The following RHOBTB2 variants were observed in gnomAD, a reference collection of about 807,000 sequenced individuals.
RHOBTB2 encodes Rho related BTB domain containing 2, also known as rho-related BTB domain-containing protein 2.
RHOBTB2 carries 39 observed loss-of-function variants against 66.5 expected under a neutral mutation model. That is an observed-to-expected ratio of 0.59 (90% CI 0.45 to 0.77). The LOEUF is 0.77. Ranked by LOEUF, RHOBTB2 falls within the 30% of genes least tolerant of loss-of-function variation. The probability of loss-of-function intolerance (pLI) is 0.00; values close to 1 mark genes in which losing one functional copy is unlikely to be tolerated. For missense variants in RHOBTB2, 755 were observed against 999.1 expected (o/e 0.76, Z 3.29); for synonymous variants, 390 against 395.0 (o/e 0.99, Z 0.15).
chr8:22,966,029 T>C, the RHOBTB2 span, among the ~76,000 whole-genome samples: 1 of 152,106 alleles, frequency 6.6e-6, no homozygotes. Flanking sequence ...TCCCTAATAA[T>C]GGATTAATAC....
intron 7 of RHOBTB2, 78 bp downstream of exon 7, chr8:23,010,766 G>C: frequency 1.4e-6 from 2 of 1,481,128 alleles, no homozygotes; most frequent in Non-Finnish European, 1.9e-6. Context: ...CTCCTCTCAC[G>C]TCTCTCCTGG....
In RHOBTB2 at chr8:23,017,542, C is replaced by G; in HGVS notation, c.*73C>G. On this transcript the variant is annotated 3_prime_UTR_variant, in exon 10 of 10. Transcript: ENST00000251822. The surrounding 1 kb of genome is among the most constrained non-coding windows in gnomAD (Gnocchi z 5.3). ...TTCACCCCTCTGCTCTTCCGCATCA[C>G]CCCATCCACCTTACAGGGACCAGGG... The G allele has an allele frequency of 6.5e-7, 1 of 1,538,794 alleles. No homozygotes were observed. Among genetic ancestry groups the G allele is most frequent in the African/African-American group, 1.4e-5 (1 of 72,978 alleles).
chr8:22,959,520 C>T, the RHOBTB2 span, among the ~76,000 whole-genome samples: 2 of 152,130 alleles, frequency 1.3e-5, no homozygotes, highest in African/African-American at 4.8e-5. Flanking sequence ...TCCCAAGGTG[C>T]TGGGATTACA....
chr8:22,971,692 C>T, the RHOBTB2 span, among the ~76,000 whole-genome samples: 2 of 152,200 alleles, frequency 1.3e-5, no homozygotes. Flanking sequence ...GAAATGCTCA[C>T]CTCCTTCGGT....
chr8:22,983,199 A>T (rs889961169), upstream of RHOBTB2, among the ~76,000 whole-genome samples: 5 of 152,186 alleles, frequency 3.3e-5, no homozygotes, highest in African/African-American at 1.2e-4. Flanking sequence ...ATGTTGGGTT[A>T]GAAATTCTGG....
At chr8:22,999,113 G>C (rs899732861), upstream of RHOBTB2, 2 of 152,488 alleles carry the variant, frequency 1.3e-5, no homozygotes, top group African/African-American at 4.8e-5. Flanking sequence ...CAGAGGGCTT[G>C]TATGGAAACG....
chr8:22,951,635 G>A, the RHOBTB2 span, among the ~76,000 whole-genome samples: 1 of 152,190 alleles, frequency 6.6e-6, no homozygotes, highest in African/African-American at 2.4e-5. Context: ...CAGTGGGGGA[G>A]ATTACAAAGA....
At position 23,017,609 on chromosome 8, in the gene RHOBTB2, C is replaced by G; in HGVS notation, c.*140C>G. Reference sequence around the variant, plus strand: ...ACCCAGAGGGTGGAGCTCTTCTTACCAGCCACCGTGGCTCAGCCAGAGAGG... The same window carrying G: ...ACCCAGAGGGTGGAGCTCTTCTTACGAGCCACCGTGGCTCAGCCAGAGAGG... On this transcript the variant is annotated 3_prime_UTR_variant, in exon 10 of 10. Transcript: ENST00000251822. The surrounding 1 kb of genome is among the most constrained non-coding windows in gnomAD (Gnocchi z 5.3). The G allele has an allele frequency of 7.4e-7, 1 of 1,351,410 alleles. No homozygotes were observed. The highest frequency in any genetic ancestry group is 9.9e-7 in the Non-Finnish European group (1 of 1,005,792). The allele number at this position is 1,351,410 out of a possible 1,614,324, so 83.7% of individuals were successfully genotyped here.
chr8:22,955,268 C>T, the RHOBTB2 span, among the ~76,000 whole-genome samples: 4 of 152,206 alleles, frequency 2.6e-5, no homozygotes, highest in Admixed American at 2.6e-4. Flanking sequence ...AGCGGGGAAG[C>T]TCTAGGAAGA....
rs1008416278 is a variant in RHOBTB2, at chr8:22,988,155, T to C, written c.-137+592T>C. Among the ~76,000 whole-genome samples, 141 of 16,888 alleles carry C rather than the reference T, an allele frequency of 8.3e-3. 2 individuals carry two copies. In the East Asian group the frequency reaches 0.16, roughly 19 times the overall value. 11.1% of individuals were successfully genotyped at this position (16,888 alleles called of 152,430 possible). A position where few individuals can be genotyped will look rare whatever the true frequency, so the allele number is the denominator to read the frequency against. ...TCTCTGTTGTCCTGCTCCTTCCCCTTTTTTTTTTTTTTTTTTTTTTTTGAG... is the reference window on the plus strand; with the variant it reads ...TCTCTGTTGTCCTGCTCCTTCCCCTCTTTTTTTTTTTTTTTTTTTTTTGAG... On this transcript the variant is annotated intron_variant, in intron 1 of 11. Coordinates refer to the RHOBTB2 transcript ENST00000519685.
upstream of RHOBTB2, among the ~76,000 whole-genome samples, chr8:22,985,377 G>A (rs886432144): frequency 1.3e-5 from 2 of 152,214 alleles, no homozygotes; most frequent in African/African-American, 2.4e-5. Context: ...CTCAAACAGC[G>A]TATCTTTAAC....
At chr8:22,986,429 G>A (rs1182773647), upstream of RHOBTB2, among the ~76,000 whole-genome samples, 1 of 151,762 alleles carries the variant, frequency 6.6e-6, no homozygotes, top group East Asian at 1.9e-4. Context: ...ACCATGCCTG[G>A]CTAATTTTTT....
intron 1 of RHOBTB2, among the ~76,000 whole-genome samples, chr8:22,987,903 G>C (rs961307836): frequency 1.3e-5 from 2 of 152,148 alleles, no homozygotes; most frequent in African/African-American, 4.8e-5. Context: ...CCAGCGGCAG[G>C]CCTGGATGCC....
the RHOBTB2 span, among the ~76,000 whole-genome samples, chr8:22,968,241 T>A: frequency 2.6e-5 from 4 of 152,260 alleles, no homozygotes; most frequent in African/African-American, 7.2e-5. Context: ...AAAACAATTT[T>A]AAAAATCTTA....
chr8:22,986,311 T>G (rs1810288755), upstream of RHOBTB2, among the ~76,000 whole-genome samples: 1 of 149,760 alleles, frequency 6.7e-6, no homozygotes, highest in African/African-American at 2.5e-5. Context: ...GTCTCACTCT[T>G]TTCGCCCAGG....
In RHOBTB2 at chr8:23,005,944, A is replaced by C. The variant is rs1810935322; in HGVS notation, c.297-16A>C. 1 of 1,602,984 alleles carries C rather than the reference A, an allele frequency of 6.2e-7. No individual in the cohort carries two copies. The highest frequency in any genetic ancestry group is 1.3e-5 in the African/African-American group (1 of 74,736). On this transcript the variant is annotated splice_polypyrimidine_tract_variant and intron_variant, in intron 3 of 9. Transcript: ENST00000251822. ...CACTTGTTTCTCTGCCCGTAACCTT[A>C]CTTTCCCACCCGCAGATCTGATGTG...
chr8:22,991,017 A>G (rs899146018), intron 1 of RHOBTB2, among the ~76,000 whole-genome samples: 3 of 152,040 alleles, frequency 2.0e-5, no homozygotes, highest in African/African-American at 7.2e-5. Flanking sequence ...GTCAGACTGG[A>G]CACTTGGTTT....
At chr8:22,958,371 C>A in the RHOBTB2 span, among the ~76,000 whole-genome samples, 1 of 152,162 alleles carries the variant, frequency 6.6e-6, no homozygotes, top group African/African-American at 2.4e-5. Context: ...TTGTTTGTTT[C>A]TTTAAATGCT....
At chr8:22,981,910 C>A in the RHOBTB2 span, among the ~76,000 whole-genome samples, 1 of 133,758 alleles carries the variant, frequency 7.5e-6, no homozygotes, top group African/African-American at 2.9e-5. Context: ...TCCATATCCG[C>A]CACTTTACAC....
Sources: gnomAD v4.1 joint callset for allele counts (sites outside exome capture counted in the v4.1 genomes callset) on GRCh38, gnomAD v4.1.1 for gene constraint, Gnocchi (gnomAD v3.1) non-coding constraint, MANE v1.5 for transcripts, NCBI Gene and HGNC (gene_info 2026-07-23, HGNC 2026-07-21) for gene names.